Variants in ACYP2 observed in about 807,000 individuals in gnomAD.
The protein encoded by ACYP2 is acylphosphatase-2.
A neutral mutation model predicts 11.2 loss-of-function variants in ACYP2; 12 were observed. That is an observed-to-expected ratio of 1.08 (90% CI 0.69 to 1.74). The LOEUF (loss-of-function observed/expected upper bound fraction) is 1.74, where lower values mean the gene tolerates loss of function less well. Among genes scored for constraint, ACYP2 ranks in the 40% most tolerant of loss-of-function variants. The probability of loss-of-function intolerance (pLI) is 0.00; values close to 1 mark genes in which losing one functional copy is unlikely to be tolerated. For missense variants in ACYP2, 134 were observed against 101.9 expected (o/e 1.31, Z -1.35); for synonymous variants, 43 against 32.2 (o/e 1.33, Z -1.13).
chr2:54,020,493 A>T (rs933955575), intron 2 of ACYP2, among the ~76,000 whole-genome samples: 2 of 152,256 alleles, frequency 1.3e-5, no homozygotes, highest in Non-Finnish European at 2.9e-5. Flanking sequence ...TTGGAAGGCT[A>T]TAAAGTTAGT....
chr2:54,135,613 T>TCA, intron 5 of ACYP2, 144 bp downstream of exon 2: 1 of 600,948 alleles, frequency 1.7e-6, no homozygotes, highest in Non-Finnish European at 2.8e-6. Context: ...ATGTATTTCT[T>TCA]TGAAATTACT....
chr2:54,054,622 G>T (rs1676026080), intron 3 of ACYP2, among the ~76,000 whole-genome samples: 1 of 152,174 alleles, frequency 6.6e-6, no homozygotes, highest in African/African-American at 2.4e-5. Context: ...AGGTTCTCCA[G>T]TGCTCCTTAA....
intron 2 of ACYP2, among the ~76,000 whole-genome samples, chr2:54,001,185 GTC>G (rs1672777678): frequency 6.6e-6 from 1 of 152,000 alleles, no homozygotes; most frequent in Non-Finnish European, 1.5e-5. Flanking sequence ...TGAGACCTCT[GTC>G]TCTCCAGAAA....
intron 6 of ACYP2, among the ~76,000 whole-genome samples, chr2:54,282,915 A>C (rs757960657): frequency 2.0e-5 from 3 of 152,204 alleles, no homozygotes; most frequent in Non-Finnish European, 4.4e-5. Flanking sequence ...GAGATGAGAA[A>C]GGAGAGCTTT....
intron 2 of ACYP2, among the ~76,000 whole-genome samples, chr2:54,032,669 A>G (rs1050986477): frequency 1.3e-5 from 2 of 152,166 alleles, no homozygotes; most frequent in Non-Finnish European, 2.9e-5. Context: ...GAAGAAAGTC[A>G]TTGGTAGCTT....
intron 6 of ACYP2, among the ~76,000 whole-genome samples, chr2:54,193,023 C>A (rs926017736): frequency 2.6e-5 from 4 of 152,126 alleles, no homozygotes; most frequent in Non-Finnish European, 5.9e-5. Flanking sequence ...CCATATCAGG[C>A]TTCAATTAGT....
intron 4 of ACYP2, among the ~76,000 whole-genome samples, chr2:54,073,744 A>G (rs529292651): frequency 6.6e-6 from 1 of 152,378 alleles, no homozygotes; most frequent in South Asian, 2.1e-4. Context: ...TCTTCAAAGA[A>G]GATTTACAAA....
intron 6 of ACYP2, among the ~76,000 whole-genome samples, chr2:54,207,013 T>C (rs1685098838): frequency 1.3e-5 from 2 of 151,986 alleles, no homozygotes; most frequent in Non-Finnish European, 2.9e-5. Flanking sequence ...ACCAATTGTG[T>C]GTGTGTGTAT....
chr2:54,067,760 A>G (rs998970229), intron 4 of ACYP2, among the ~76,000 whole-genome samples: 1 of 152,236 alleles, frequency 6.6e-6, no homozygotes. Context: ...TCCAAAGACT[A>G]GCAAACCTGT....
At chr2:54,166,869 C>T (rs1008451010) in intron 6 of ACYP2, 1 of 152,178 alleles carries the variant, frequency 6.6e-6, no homozygotes, top group Non-Finnish European at 1.5e-5. Context: ...ATGCAGCTCA[C>T]AAGCCAGGAG....
chr2:54,150,343 G>A (rs866555594), intron 6 of ACYP2, among the ~76,000 whole-genome samples: 1 of 152,214 alleles, frequency 6.6e-6, no homozygotes, highest in Non-Finnish European at 1.5e-5. Context: ...GGTGTTGTAG[G>A]TCTAACTCAT....
intron 6 of ACYP2, among the ~76,000 whole-genome samples, chr2:54,157,440 T>G (rs566712211): frequency 6.6e-6 from 1 of 152,358 alleles, no homozygotes; most frequent in Non-Finnish European, 1.5e-5. Flanking sequence ...AAATTATAAT[T>G]TATTTAATCA....
chr2:54,073,260 T>A lies in ACYP2; in HGVS notation c.277+15900T>A, dbSNP rs145934802. Among the ~76,000 whole-genome samples the A allele has an allele frequency of 3.2e-4, 49 of 152,018 alleles. No individual in the cohort carries two copies. In the East Asian group the frequency reaches 6.4e-3, roughly 20 times the overall value. ...AATCAAAATGAGCCAGGTGTGGTAG[T>A]GCATGCCTGTAGTCCCAGCTACTTG... On this transcript the variant is annotated intron_variant, in intron 4 of 6. Transcript: ENST00000607452.
intron 4 of ACYP2, among the ~76,000 whole-genome samples, chr2:54,110,284 ATAT>A (rs1213899987): frequency 1.3e-5 from 2 of 152,122 alleles, no homozygotes; most frequent in Non-Finnish European, 2.9e-5. Flanking sequence ...CAAGCGCCAA[ATAT>A]TATATCATAG....
intron 2 of ACYP2, among the ~76,000 whole-genome samples, chr2:53,994,512 CAGAAAAAAAAA>C (rs1672470833): frequency 3.3e-5 from 1 of 30,528 alleles, no homozygotes; most frequent in Middle Eastern, 0.042. Flanking sequence ...GAGTAAGACT[CAGAAAAAAAAA>C]AAAAAAAAAG....
At chr2:54,065,431 A>C (rs1676695986) in intron 4 of ACYP2, 1 of 398,458 alleles carries the variant, frequency 2.5e-6, no homozygotes, top group African/African-American at 2.1e-5. Context: ...TTGGAGTTGG[A>C]TGACCAATTG....
At chr2:54,100,407 A>T (rs950354061) in intron 4 of ACYP2, among the ~76,000 whole-genome samples, 1 of 149,864 alleles carries the variant, frequency 6.7e-6, no homozygotes, top group Non-Finnish European at 1.5e-5. Context: ...GGCCCAAGTG[A>T]TCCTCTAATC....
chr2:54,059,349 G>T (rs1676346765), intron 4 of ACYP2, among the ~76,000 whole-genome samples: 2 of 152,036 alleles, frequency 1.3e-5, no homozygotes, highest in Admixed American at 6.6e-5. Context: ...CTCTGGAAAA[G>T]CTGGGATTAC....
At chr2:54,042,277 A>T (rs1011117884) in intron 2 of ACYP2, among the ~76,000 whole-genome samples, 1 of 152,226 alleles carries the variant, frequency 6.6e-6, no homozygotes, top group African/African-American at 2.4e-5. Context: ...AAGTGCTGGG[A>T]TTACAGGCGT....
Sources: gnomAD v4.1 joint callset for allele counts (sites outside exome capture counted in the v4.1 genomes callset) on GRCh38, gnomAD v4.1.1 for gene constraint, MANE v1.5 for transcripts, NCBI Gene and HGNC (gene_info 2026-07-23, HGNC 2026-07-21) for gene names.